ABCC1: variants seen among roughly 807,000 people sequenced by gnomAD.
ABCC1 encodes ATP binding cassette subfamily C member 1 (ABCC1 blood group), also known as multidrug resistance-associated protein 1.
In ABCC1, 83 loss-of-function variants were observed where a neutral mutation model predicts 172.9. The observed-to-expected ratio is 0.48, with a 90% CI of 0.40 to 0.58. The LOEUF (loss-of-function observed/expected upper bound fraction) is 0.58. ABCC1 is among the 20% of genes least tolerant of loss of function. The probability of loss-of-function intolerance (pLI) is 0.00; values close to 1 mark genes in which losing one functional copy is unlikely to be tolerated. For missense variants in ABCC1, 1,817 were observed against 2,002.7 expected (o/e 0.91, Z 1.77); for synonymous variants, 937 against 825.2 (o/e 1.14, Z -2.32).
At chr16:15,967,465 C>T (rs952641069) in intron 1 of ABCC1, among the ~76,000 whole-genome samples, 1 of 151,864 alleles carries the variant, frequency 6.6e-6, no homozygotes, top group Non-Finnish European at 1.5e-5. Flanking sequence ...AAAACTTGGA[C>T]TGGGCACTGT....
At chr16:16,108,093 C>G (rs1476857631) in intron 21 of ABCC1, among the ~76,000 whole-genome samples, 1 of 151,890 alleles carries the variant, frequency 6.6e-6, no homozygotes, top group Non-Finnish European at 1.5e-5. Context: ...CTCCAGGAAG[C>G]CAGAGAAGTT....
At chr16:16,078,684 A>G (rs979737900) in intron 15 of ABCC1, among the ~76,000 whole-genome samples, 8 of 151,770 alleles carry the variant, frequency 5.3e-5, no homozygotes, top group Non-Finnish European at 1.2e-4. Context: ...TTTTTGGTTT[A>G]TTTATTTTCT....
At chr16:15,969,785 T>C (rs2046326352) in intron 1 of ABCC1, among the ~76,000 whole-genome samples, 1 of 151,284 alleles carries the variant, frequency 6.6e-6, no homozygotes, top group Non-Finnish European at 1.5e-5. Context: ...TTGCAGGAGG[T>C]AGAATCTCCG....
chr16:16,055,954 G>GAA (rs4148345), intron 11 of ABCC1, 138 bp from the exon 12 acceptor site: 610 of 653,406 alleles, frequency 9.3e-4, no homozygotes, highest in East Asian at 3.0e-3. Flanking sequence ...CTATTGAAAA[G>GAA]AAAAAAAAAA....
At chr16:15,976,309 G>T (rs1156477797) in intron 1 of ABCC1, among the ~76,000 whole-genome samples, 1 of 152,152 alleles carries the variant, frequency 6.6e-6, no homozygotes, top group African/African-American at 2.4e-5. Flanking sequence ...GATCGTTAAG[G>T]CTTCTTTGGC....
chr16:16,089,793 A>G (rs1309432671), intron 18 of ABCC1, among the ~76,000 whole-genome samples: 1 of 150,226 alleles, frequency 6.7e-6, no homozygotes. Flanking sequence ...AGGCACGGGA[A>G]TTGCTTGAAC....
intron 1 of ABCC1, among the ~76,000 whole-genome samples, chr16:15,992,486 G>C (rs909028635): frequency 4.7e-5 from 7 of 149,570 alleles, no homozygotes; most frequent in Non-Finnish European, 7.5e-5. Flanking sequence ...TGCAGCCTCT[G>C]CCTCCCAGGT....
intron 24 of ABCC1, 116 bp from the exon 25 acceptor site, chr16:16,124,673 T>C (rs2152119341): frequency 6.9e-7 from 1 of 1,446,318 alleles, no homozygotes; most frequent in Non-Finnish European, 9.5e-7. Context: ...CTCTCTGGAA[T>C]TACTGCGGAG....
chr16:16,077,472 A>G (rs1296993077), intron 15 of ABCC1, among the ~76,000 whole-genome samples: 2 of 151,822 alleles, frequency 1.3e-5, no homozygotes, highest in Middle Eastern at 3.4e-3. Context: ...CCTTCCCCCC[A>G]TGAGCCCCCA....
chr16:15,989,983 C>G (rs1262772759), intron 1 of ABCC1, among the ~76,000 whole-genome samples: 1 of 151,860 alleles, frequency 6.6e-6, no homozygotes, highest in Non-Finnish European at 1.5e-5. Context: ...CTCAAGCGAT[C>G]TTACCACCTC....
intron 1 of ABCC1, among the ~76,000 whole-genome samples, chr16:15,971,574 C>G (rs1054746434): frequency 3.3e-5 from 5 of 152,184 alleles, no homozygotes; most frequent in Non-Finnish European, 7.3e-5. Flanking sequence ...GCCACATTAA[C>G]TGCTGTTAGG....
At chr16:16,037,256 C>G (rs1362512492) in intron 7 of ABCC1, among the ~76,000 whole-genome samples, 2 of 152,122 alleles carry the variant, frequency 1.3e-5, no homozygotes, top group African/African-American at 4.8e-5. Context: ...ATGTTCTGTC[C>G]AACATGCCCA....
In ABCC1 at chr16:16,007,817, A is replaced by G; in HGVS notation, c.50A>G (p.Asp17Gly). 6.2e-7 allele frequency: 1 copy of G among 1,610,912 alleles called. No homozygotes were observed. Among genetic ancestry groups the G allele is most frequent in the Non-Finnish European group, 8.5e-7 (1 of 1,178,602 alleles). The stretch of plus-strand genomic sequence containing the variant: ...CCTCGCCTGTGTTTGTGTTCGCAGG[A>G]CTGGAATGTCACGTGGAATACCAGC... ...CSADGSDPLW[D>G]WNVTWNTSNP... is the part of the protein sequence containing the mutation. Residue 17 changes from aspartate to glycine, a missense_variant and splice_region_variant, in exon 2 of 31, where the codon GAC becomes GGC. Physicochemically the swap from Asp to Gly is moderately conservative, Grantham distance 94. Coordinates refer to ENST00000399410, the MANE Select transcript of ABCC1 (RefSeq NM_004996.4).
At chr16:16,056,839 G>C (rs928280129) in intron 12 of ABCC1, among the ~76,000 whole-genome samples, 4 of 152,210 alleles carry the variant, frequency 2.6e-5, no homozygotes, top group Non-Finnish European at 5.9e-5. Flanking sequence ...GCTTGTGCCA[G>C]AATGTAAACC....
intron 3 of ABCC1, among the ~76,000 whole-genome samples, chr16:16,010,382 G>A (rs949712279): frequency 6.6e-6 from 1 of 152,258 alleles, no homozygotes; most frequent in Admixed American, 6.5e-5. Flanking sequence ...TGTCCAGTTT[G>A]CCACAGTCCC....
At position 16,076,315 on chromosome 16, in the gene ABCC1, G is replaced by C. The variant is rs747946181; in HGVS notation, c.1913-11G>C. 2 of 1,612,512 alleles carry C rather than the reference G, an allele frequency of 1.2e-6. No homozygotes were observed. The highest frequency in any genetic ancestry group is 2.2e-5 in the East Asian group (1 of 44,798). On this transcript the variant is annotated splice_polypyrimidine_tract_variant and intron_variant, in intron 14 of 30. Coordinates refer to ENST00000399410, the MANE Select transcript of ABCC1 (RefSeq NM_004996.4). ...CTCAGCCTGTCCCTGACATGTCTCT[G>C]TGCTTTGTAGGCGGGGGCACGAACA...
At chr16:15,955,294 G>T (rs1448779169) in intron 1 of ABCC1, among the ~76,000 whole-genome samples, 1 of 152,078 alleles carries the variant, frequency 6.6e-6, no homozygotes, top group Non-Finnish European at 1.5e-5. Context: ...GGGGTTGGAG[G>T]TTGCAGTGAG....
chr16:16,009,927 T>C (rs751269198), intron 3 of ABCC1, 26 bp downstream of exon 3: 1 of 1,570,794 alleles, frequency 6.4e-7, no homozygotes, highest in South Asian at 1.2e-5. Context: ...CTGTGACCCC[T>C]GGGCCATCTG....
intron 19 of ABCC1, among the ~76,000 whole-genome samples, chr16:16,093,017 G>A (rs2152027747): frequency 6.6e-6 from 1 of 152,250 alleles, no homozygotes; most frequent in South Asian, 2.1e-4. Flanking sequence ...TTTGTTTCTT[G>A]CCAGTGCATG....
Sources: gnomAD v4.1 joint callset for allele counts (sites outside exome capture counted in the v4.1 genomes callset) on GRCh38, gnomAD v4.1.1 for gene constraint, MANE v1.5 for transcripts, NCBI Gene and HGNC (gene_info 2026-07-23, HGNC 2026-07-21) for gene names.